The following ACOT9 variants were observed in gnomAD, a reference collection of about 807,000 sequenced individuals.
ACOT9 encodes acyl-coenzyme A thioesterase 9, mitochondrial.
Under a neutral mutation model 39.7 loss-of-function variants are expected in ACOT9, and 34 were observed. The ratio of observed to expected loss-of-function variants is 0.86; its 90% CI spans 0.65 to 1.14. The LOEUF (loss-of-function observed/expected upper bound fraction) is 1.14, where lower values mean the gene tolerates loss of function less well. Among genes scored for constraint, ACOT9 ranks in the 50% most tolerant of loss-of-function variants. The probability of loss-of-function intolerance (pLI) is 0.00; values close to 1 mark genes in which losing one functional copy is unlikely to be tolerated. For synonymous variants in ACOT9, 110 were observed against 120.5 expected, an observed-to-expected ratio of 0.91 and a Z score of 0.57; for missense variants, 313 against 344.1, an observed-to-expected ratio of 0.91 and a Z score of 0.71.
chrX:23,727,127 C>T (rs1456042657), intron 6 of ACOT9, among the ~76,000 whole-genome samples: 1 of 112,084 alleles, frequency 8.9e-6, no homozygotes, highest in African/African-American at 3.2e-5. Flanking sequence ...GCCTATTTTT[C>T]ATTTTAAGAT....
In ACOT9 at chrX:23,703,993, A is replaced by C. The variant is rs1569188459; in HGVS notation, c.1259-11T>G. The C allele has an allele frequency of 8.4e-7, 1 of 1,192,425 alleles. No homozygotes were observed. The highest frequency in any genetic ancestry group is 3.0e-5 in the East Asian group (1 of 33,745). On this transcript the variant is annotated splice_polypyrimidine_tract_variant and intron_variant, in intron 15 of 15. Transcript: ENST00000379303. ...AGTACAACATGGACTCTGAAACACAAGAAAGAGAACCTTGGAGAAACTTGT... is the reference window on the plus strand; with the variant it reads ...AGTACAACATGGACTCTGAAACACACGAAAGAGAACCTTGGAGAAACTTGT...
chrX:23,722,617 T>C (rs1481176631), intron 7 of ACOT9, 53 bp downstream of exon 7: 9 of 864,910 alleles, frequency 1.0e-5, no homozygotes, highest in Non-Finnish European at 1.3e-5. Flanking sequence ...ATCTCAATAA[T>C]ATCTTGAAAT....
intron 4 of ACOT9, among the ~76,000 whole-genome samples, chrX:23,732,967 C>T (rs749847278): frequency 7.1e-5 from 8 of 111,921 alleles, no homozygotes; most frequent in South Asian, 7.3e-4. Context: ...GCAGAATATA[C>T]GTAAATCATC....
In ACOT9 at chrX:23,709,974, G is replaced by A. The variant is rs1429753720; in HGVS notation, c.663-2030C>T. ...GCGACCTTGGCTCACTGCAACCTCT[G>A]CTTCCCGGGTTAAAGCAATCCTCCC... is the stretch of plus-strand genomic sequence containing the variant. On this transcript the variant is annotated intron_variant, in intron 9 of 15. Coordinates refer to ENST00000379303, the MANE Select transcript of ACOT9 (RefSeq NM_001037171.2). Among the ~76,000 whole-genome samples the A allele has an allele frequency of 1.7e-4, 19 of 111,837 alleles. No individual in the cohort carries two copies. The Admixed American group carries it at 1.7e-3, about 10-fold the overall frequency.
chrX:23,705,922 C>G, intron 11 of ACOT9, 64 bp from the exon 12 acceptor site: 2 of 958,596 alleles, frequency 2.1e-6, no homozygotes, highest in Middle Eastern at 3.6e-4. Context: ...AAAGTAAAAA[C>G]ATTTGCAAGT....
In ACOT9 at chrX:23,730,883, C is replaced by T. The variant is rs1929714329; in HGVS notation, c.295G>A (p.Val99Ile). 13 of 1,210,850 alleles carry T rather than the reference C, an allele frequency of 1.1e-5. No individual in the cohort carries two copies. Among genetic ancestry groups the T allele is most frequent in the Non-Finnish European group, 1.5e-5 (13 of 894,602 alleles). Residue 99 changes from valine (V) to isoleucine (I), a missense_variant, in exon 5 of 16, where the codon GTT becomes ATT. Physicochemically the swap from Val to Ile is conservative, Grantham distance 29 (BLOSUM62 3). Coordinates refer to ENST00000379303, the MANE Select transcript of ACOT9 (RefSeq NM_001037171.2). ...PRRMKDSYIE[V>I]LLPLGSEPEL... Reference sequence around the variant, plus strand: ...GGCTCACTGCCCAAAGGCAAGAGAACTTCAATATAACTGTCCTTCATTCTC... The same window carrying T: ...GGCTCACTGCCCAAAGGCAAGAGAATTTCAATATAACTGTCCTTCATTCTC...
At chrX:23,708,218 T>C (rs1471408988) in intron 9 of ACOT9, among the ~76,000 whole-genome samples, 1 of 112,520 alleles carries the variant, frequency 8.9e-6, no homozygotes, top group Non-Finnish European at 1.9e-5. Context: ...ATATAGGTTG[T>C]AGAACACTCT....
At chrX:23,713,041 G>A in intron 9 of ACOT9, 94 bp downstream of exon 9, 5 of 684,219 alleles carry the variant, frequency 7.3e-6, no homozygotes, top group Non-Finnish European at 1.1e-5. Context: ...ACGTCCAAGT[G>A]ATAGGTATAT....
At chrX:23,718,026 T>C (rs1435637473) in intron 8 of ACOT9, among the ~76,000 whole-genome samples, 1 of 106,988 alleles carries the variant, frequency 9.3e-6, no homozygotes, top group African/African-American at 3.4e-5. Flanking sequence ...AGGCAGAGGC[T>C]GCAGTGAGCC....
chrX:23,741,041 C>T (rs1320489033), intron 1 of ACOT9, among the ~76,000 whole-genome samples: 3 of 108,838 alleles, frequency 2.8e-5, no homozygotes, highest in Admixed American at 1.0e-4. Flanking sequence ...TTAATGGGTG[C>T]AGCACACCAG....
intron 6 of ACOT9, among the ~76,000 whole-genome samples, chrX:23,725,172 T>TA (rs1403848842): frequency 1.8e-5 from 2 of 110,369 alleles, no homozygotes; most frequent in Non-Finnish European, 3.8e-5. Context: ...TCAGTACACT[T>TA]AAAAATGATA....
chrX:23,713,719 G>A (rs1928985091), intron 8 of ACOT9, among the ~76,000 whole-genome samples: 1 of 110,142 alleles, frequency 9.1e-6, no homozygotes, highest in South Asian at 3.9e-4. Flanking sequence ...TGGCCTAGCA[G>A]AGGAGAAAAA....
chrX:23,731,303 C>A (rs1024424477), intron 4 of ACOT9, among the ~76,000 whole-genome samples: 5 of 110,974 alleles, frequency 4.5e-5, no homozygotes, highest in Non-Finnish European at 7.5e-5. Context: ...TGGCAAAACT[C>A]CGTCTCTACT....
chrX:23,713,283 C>T (rs1368262204), intron 8 of ACOT9, 75 bp from the exon 9 acceptor site: 46 of 865,044 alleles, frequency 5.3e-5, no homozygotes, highest in South Asian at 6.5e-5. Context: ...TTCTAACAGA[C>T]GGTATGTATG....
At chrX:23,728,602 C>T (rs1929619064) in intron 6 of ACOT9, among the ~76,000 whole-genome samples, 1 of 111,434 alleles carries the variant, frequency 9.0e-6, no homozygotes, top group Non-Finnish European at 1.9e-5. Flanking sequence ...TACATCTGTA[C>T]AAAGATTTAG....
In ACOT9 at chrX:23,706,618, C is replaced by A; in HGVS notation, c.842+10G>T. ...AATGTTTTCCCAACGTGGAATCTCACCATCCTTACTTTGGATCCAGTGTGC... is the reference window on the plus strand; with the variant it reads ...AATGTTTTCCCAACGTGGAATCTCAACATCCTTACTTTGGATCCAGTGTGC... On this transcript the variant is annotated intron_variant, in intron 11 of 15. Transcript: ENST00000379303. 1 of 1,069,645 alleles carries A rather than the reference C, an allele frequency of 9.3e-7. No individual in the cohort carries two copies. Among genetic ancestry groups the A allele is most frequent in the Non-Finnish European group, 1.3e-6 (1 of 769,286 alleles). 88.2% of individuals were successfully genotyped at this position (1,069,645 alleles called of 1,213,427 possible).
chrX:23,735,940 C>A lies in ACOT9; in HGVS notation c.97G>T (p.Gly33Ter). ...TQGPQNPKKQ[G>*]IFHIHEACSS... is the part of the protein sequence containing the mutation. ...TTGCCTTCATGAATGTGGAAGATTC[C>A]CTGTTTCTTGGGGTTCTGGGGTCCT... The change falls in exon 2 of 16, where the codon GGA (glycine) becomes TGA (stop). Residue 33 changes from glycine to a stop codon, truncating the protein, a stop_gained. Coordinates refer to ENST00000379303, the MANE Select transcript of ACOT9 (RefSeq NM_001037171.2). LOFTEE classifies it high-confidence loss of function. 1 of 1,210,420 alleles carries A rather than the reference C, an allele frequency of 8.3e-7. No individual in the cohort carries two copies. The highest frequency in any genetic ancestry group is 1.1e-6 in the Non-Finnish European group (1 of 894,869).
At chrX:23,730,639 G>T in intron 5 of ACOT9, 75 bp from the exon 6 acceptor site, 1 of 1,039,091 alleles carries the variant, frequency 9.6e-7, no homozygotes, top group Non-Finnish European at 1.3e-6. Context: ...ACACACTTCA[G>T]GGTGATGAAA....
chrX:23,719,184 C>T (rs1309668814), intron 8 of ACOT9, among the ~76,000 whole-genome samples: 1 of 110,464 alleles, frequency 9.1e-6, no homozygotes, highest in Non-Finnish European at 1.9e-5. Context: ...GCATGAGAAT[C>T]ACTGGAACCC....
Sources: allele counts gnomAD v4.1 joint callset (sites outside exome capture counted in the v4.1 genomes callset), GRCh38; gene constraint gnomAD v4.1.1; transcripts MANE v1.5; gene names NCBI Gene and HGNC (gene_info 2026-07-23, HGNC 2026-07-21).